PXDN: variants seen among roughly 807,000 people sequenced by gnomAD.
PXDN encodes the protein peroxidasin.
Under a neutral mutation model 140.3 loss-of-function variants are expected in PXDN, and 77 were observed. The observed-to-expected ratio is 0.55, with a 90% CI of 0.46 to 0.66. The LOEUF (loss-of-function observed/expected upper bound fraction) is 0.66. PXDN is among the 30% of genes least tolerant of loss of function. The pLI is 0.00. For synonymous variants in PXDN, 911 were observed against 857.4 expected (o/e 1.06, Z -1.09); for missense variants, 1,838 against 2,039.5 (o/e 0.90, Z 1.90).
In PXDN at chr2:1,653,703, C is replaced by T; in HGVS notation, c.2029G>A (p.Glu677Lys). 1 of 1,608,258 alleles carries T rather than the reference C, an allele frequency of 6.2e-7. No individual in the cohort carries two copies. The highest frequency in any genetic ancestry group is 8.5e-7 in the Non-Finnish European group (1 of 1,177,470). ...PYTVEQARAG[E>K]IFERTLQLIQ... Reference sequence around the variant, plus strand: ...AGCTGCAATGTCCGTTCAAAGATTTCTCCCGCCCGTGCCTGTTCAACTGTG... The same window carrying T: ...AGCTGCAATGTCCGTTCAAAGATTTTTCCCGCCCGTGCCTGTTCAACTGTG... The change falls in exon 16 of 23, where the codon GAA (glutamate) becomes AAA (lysine). Residue 677 changes from glutamate to lysine, a missense_variant. This residue lies in a region of PXDN where 537 missense variants were observed against 583.9 expected (regional missense o/e 0.92). Coordinates refer to ENST00000252804, the MANE Select transcript of PXDN (RefSeq NM_012293.3).
chr2:1,659,308 C>T (rs1388430972), intron 14 of PXDN, among the ~76,000 whole-genome samples: 3 of 152,226 alleles, frequency 2.0e-5, no homozygotes, highest in Non-Finnish European at 4.4e-5. Flanking sequence ...AAAAGAATTT[C>T]AGCTAGGCAG....
chr2:1,683,253 AC>A (rs916989751), intron 6 of PXDN, among the ~76,000 whole-genome samples: 4 of 151,102 alleles, frequency 2.6e-5, no homozygotes, highest in Non-Finnish European at 5.9e-5. Flanking sequence ...AAAAAAAAAA[AC>A]CCACAAAATT....
At position 1,685,008 on chromosome 2, in the gene PXDN, G is replaced by T. The variant is rs536390846; in HGVS notation, c.417-857C>A. Among the ~76,000 whole-genome samples the T allele has an allele frequency of 6.6e-6, 1 of 152,192 alleles. No individual in the cohort carries two copies. The highest frequency in any genetic ancestry group is 1.5e-5 in the Non-Finnish European group (1 of 68,026). On this transcript the variant is annotated intron_variant, in intron 4 of 22. Transcript: ENST00000252804. The surrounding 1 kb of genome is among the most constrained non-coding windows in gnomAD (Gnocchi z 5.1). The stretch of plus-strand genomic sequence containing the variant: ...ATGAGCAAAGAAGCAGCATGCCAGC[G>T]TTCACAGGTCTTCATAACTCCACAG...
At chr2:1,709,455 G>A (rs1033182556) in intron 1 of PXDN, among the ~76,000 whole-genome samples, 10 of 143,050 alleles carry the variant, frequency 7.0e-5, no homozygotes, top group Admixed American at 1.4e-4. Flanking sequence ...CCACAGCGGG[G>A]CTGGGGTGCA....
In PXDN at chr2:1,632,522, A is replaced by G. The variant is rs1380921888; in HGVS notation, c.*1682T>C. 1 of 152,262 alleles carries G rather than the reference A, an allele frequency of 6.6e-6. No individual in the cohort carries two copies. Among genetic ancestry groups the G allele is most frequent in the Non-Finnish European group, 1.5e-5 (1 of 68,038 alleles). 9.4% of individuals were successfully genotyped at this position (152,262 alleles called of 1,614,324 possible). On this transcript the variant is annotated 3_prime_UTR_variant, in exon 23 of 23. Coordinates refer to ENST00000252804, the MANE Select transcript of PXDN (RefSeq NM_012293.3). This position sits in a 1 kb window ranked among gnomAD's most constrained non-coding sequence, Gnocchi z 4.3. ...ATCACTTACCAATATGAGGTTAAGA[A>G]GTTAAGACAACCATTTTTACAGATA...
chr2:1,648,091 GACAAATAAC>G lies in PXDN; in HGVS notation c.3608+72_3608+80del. 1 of 1,510,982 alleles carries G rather than the reference GACAAATAAC, an allele frequency of 6.6e-7. No individual in the cohort carries two copies. The highest frequency in any genetic ancestry group is 9.0e-7 in the Non-Finnish European group (1 of 1,112,390). 93.6% of individuals were successfully genotyped at this position (1,510,982 alleles called of 1,614,324 possible). On this transcript the variant is annotated intron_variant, in intron 17 of 22. Transcript: ENST00000252804. This position sits in a 1 kb window ranked among gnomAD's most constrained non-coding sequence, Gnocchi z 8.9. ...GACACGAACAAAACTCACACACAGA[GACAAATAAC>G]ACACACACCACAGTTCAGGTGTTCC...
At chr2:1,739,423 T>C (rs1685489864) in intron 1 of PXDN, among the ~76,000 whole-genome samples, 1 of 152,110 alleles carries the variant, frequency 6.6e-6, no homozygotes. Context: ...TTCAGAGTCA[T>C]AGAGAAGGAT....
At chr2:1,743,662 G>A (rs1438661118) in intron 1 of PXDN, among the ~76,000 whole-genome samples, 1 of 131,030 alleles carries the variant, frequency 7.6e-6, no homozygotes, top group Non-Finnish European at 1.6e-5. Flanking sequence ...GAGGAGGAGG[G>A]GAAGGGAGGA....
chr2:1,712,372 C>A (rs562652333), intron 1 of PXDN, among the ~76,000 whole-genome samples: 13 of 152,352 alleles, frequency 8.5e-5, no homozygotes, highest in Non-Finnish European at 1.6e-4. Context: ...TGTAATGCAT[C>A]ATGTCTTAAA....
intron 16 of PXDN, chr2:1,653,002 G>T (rs998098182): frequency 2.3e-5 from 4 of 175,662 alleles, no homozygotes; most frequent in African/African-American, 7.1e-5. Context: ...TGCTGAAAAT[G>T]ATGTTTTTAC....
rs577774189 is a variant in PXDN at position 1,684,430 on chromosome 2, G to A, written c.417-279C>T. Among the ~76,000 whole-genome samples, 369 of 152,310 alleles carry A rather than the reference G, an allele frequency of 2.4e-3. 1 individual carries two copies. Among genetic ancestry groups the A allele is most frequent in the Admixed American group, 7.2e-3 (110 of 15,304 alleles). ...CTTGACACCGCGTGAGAAGGGCAGT[G>A]CTGGCCTGGCCTGACTCGGCCATTT... On this transcript the variant is annotated intron_variant, in intron 4 of 22. Transcript: ENST00000252804.
At chr2:1,723,997 A>C (rs1370479344) in intron 1 of PXDN, among the ~76,000 whole-genome samples, 1 of 152,230 alleles carries the variant, frequency 6.6e-6, no homozygotes, top group Non-Finnish European at 1.5e-5. Flanking sequence ...AACAAGTTTC[A>C]TCTTATTCCC....
At position 1,673,710 on chromosome 2, in the gene PXDN, G is replaced by A. The variant is rs1572147292; in HGVS notation, c.951C>T (p.Cys317=). ...TQETDQGIYQ[C]MAKNVAGEVK... The stretch of plus-strand genomic sequence containing the variant: ...CCTCTCCGGCCACGTTCTTTGCCAT[G>A]CACTGGTAGATACCCTGGTCTGTCT... Residue 317 remains cysteine, a synonymous_variant, in exon 9 of 23, where the codon TGC becomes TGT. Transcript: ENST00000252804. The A allele has an allele frequency of 6.2e-7, 1 of 1,614,018 alleles. No individual in the cohort carries two copies. The highest frequency in any genetic ancestry group is 2.2e-5 in the East Asian group (1 of 44,888).
chr2:1,662,844 A>C (rs2125424754), intron 12 of PXDN, among the ~76,000 whole-genome samples: 1 of 152,272 alleles, frequency 6.6e-6, no homozygotes, highest in African/African-American at 2.4e-5. Flanking sequence ...ACAGCCCCAA[A>C]GTGACGCAAG....
chr2:1,697,629 C>T (rs1339494555), intron 1 of PXDN, among the ~76,000 whole-genome samples: 2 of 152,152 alleles, frequency 1.3e-5, no homozygotes, highest in African/African-American at 2.4e-5. Context: ...GGAAAAACTT[C>T]CCCCAAATTT....
At position 1,638,912 on chromosome 2, in the gene PXDN, A is replaced by G; in HGVS notation, c.4140T>C (p.Ser1380=). Residue 1380 remains serine (S), a synonymous_variant, in exon 21 of 23, where the codon TCT becomes TCC. Transcript: ENST00000252804. ...TSAFSTRSDA[S]GTNDFREFVL... ...CAAACTCTCTGAAGTCATTTGTCCCAGATGCATCTGAGCGTGTGCTGAAGG... is the reference window on the plus strand; with the variant it reads ...CAAACTCTCTGAAGTCATTTGTCCCGGATGCATCTGAGCGTGTGCTGAAGG... The G allele has an allele frequency of 6.2e-7, 1 of 1,614,012 alleles. No individual in the cohort carries two copies. Among genetic ancestry groups the G allele is most frequent in the African/African-American group, 1.3e-5 (1 of 75,038 alleles).
chr2:1,722,420 G>A (rs939905277), intron 1 of PXDN, among the ~76,000 whole-genome samples: 3 of 152,190 alleles, frequency 2.0e-5, no homozygotes, highest in Non-Finnish European at 4.4e-5. Flanking sequence ...AATCCATTGC[G>A]TGCAATGCAT....
chr2:1,685,368 G>A lies in PXDN; in HGVS notation c.417-1217C>T, dbSNP rs1167680738. 2.0e-5 allele frequency among the ~76,000 whole-genome samples: 3 copies of A among 152,228 alleles called. No homozygotes were observed. The highest frequency in any genetic ancestry group is 7.2e-5 in the African/African-American group (3 of 41,466). Reference sequence around the variant, plus strand: ...TGACGGGCGGGCACCTGACGCGCGGGTCCCGAGGAAGGCCGAACCCGACAG... The same window carrying A: ...TGACGGGCGGGCACCTGACGCGCGGATCCCGAGGAAGGCCGAACCCGACAG... On this transcript the variant is annotated intron_variant, in intron 4 of 22. Transcript: ENST00000252804. This position sits in a 1 kb window ranked among gnomAD's most constrained non-coding sequence, Gnocchi z 5.1.
chr2:1,636,143 G>A (rs941716865), intron 21 of PXDN: 28 of 167,040 alleles, frequency 1.7e-4, no homozygotes, highest in Non-Finnish European at 2.7e-4. Flanking sequence ...CCTGCACTGC[G>A]GAGGGTCCAG....
Sources: allele counts gnomAD v4.1 joint callset (sites outside exome capture counted in the v4.1 genomes callset), GRCh38; gene constraint gnomAD v4.1.1; regional missense constraint gnomAD v4.1.1; non-coding constraint Gnocchi (gnomAD v3.1); transcripts MANE v1.5; gene names NCBI Gene and HGNC (gene_info 2026-07-23, HGNC 2026-07-21).